Variants in IMMP2L observed in about 807,000 individuals in gnomAD.
IMMP2L encodes the protein mitochondrial inner membrane protease subunit 2.
Under a neutral mutation model 19.3 loss-of-function variants are expected in IMMP2L, and 18 were observed. The observed-to-expected ratio is 0.93, with a 90% CI of 0.64 to 1.38. The LOEUF (loss-of-function observed/expected upper bound fraction) is 1.38. Ranked by LOEUF, IMMP2L falls within the 40% of genes most tolerant of loss-of-function variation. The pLI, the probability that IMMP2L is intolerant of heterozygous loss-of-function variation, is 0.00. For synonymous variants in IMMP2L, 76 were observed against 73.0 expected (o/e 1.04, Z -0.21); for missense variants, 233 against 218.2 (o/e 1.07, Z -0.43).
chr7:111,464,150 A>G (rs2132034734), intron 3 of IMMP2L, among the ~76,000 whole-genome samples: 1 of 152,214 alleles, frequency 6.6e-6, no homozygotes, highest in South Asian at 2.1e-4. Flanking sequence ...ACCTCTCTGT[A>G]CACTAATAAA....
intron 3 of IMMP2L, among the ~76,000 whole-genome samples, chr7:111,067,215 T>C (rs1563208899): frequency 6.6e-6 from 1 of 152,196 alleles, no homozygotes. Context: ...AATTATCAAA[T>C]TGGAATATAG....
chr7:111,471,619 G>A (rs1171278303), intron 3 of IMMP2L, among the ~76,000 whole-genome samples: 2 of 151,814 alleles, frequency 1.3e-5, no homozygotes, highest in South Asian at 4.2e-4. Flanking sequence ...AGATCTATTG[G>A]GTTAGAAAAT....
At chr7:111,459,341 A>G (rs1199097074) in intron 3 of IMMP2L, among the ~76,000 whole-genome samples, 1 of 152,174 alleles carries the variant, frequency 6.6e-6, no homozygotes. Flanking sequence ...TTCCAAAACA[A>G]TATTATCACA....
At chr7:110,949,512 C>T (rs1817577520) in intron 4 of IMMP2L, among the ~76,000 whole-genome samples, 1 of 152,172 alleles carries the variant, frequency 6.6e-6, no homozygotes, top group African/African-American at 2.4e-5. Flanking sequence ...TAATATAGCC[C>T]ACAGGTCAGC....
intron 3 of IMMP2L, among the ~76,000 whole-genome samples, chr7:111,119,741 A>G (rs903067203): frequency 6.6e-6 from 1 of 152,208 alleles, no homozygotes; most frequent in Admixed American, 6.5e-5. Flanking sequence ...AGCACATACT[A>G]CATTATAATG....
At chr7:110,729,207 A>G (rs551467868) in intron 5 of IMMP2L, among the ~76,000 whole-genome samples, 22 of 152,250 alleles carry the variant, frequency 1.4e-4, no homozygotes, top group African/African-American at 5.1e-4. Flanking sequence ...TTACACTGCC[A>G]TAAAGATACT....
At chr7:110,998,783 C>T (rs1396087854) in intron 3 of IMMP2L, among the ~76,000 whole-genome samples, 5 of 152,094 alleles carry the variant, frequency 3.3e-5, no homozygotes, top group Non-Finnish European at 7.4e-5. Context: ...AAAACGGGCA[C>T]AGTGTAATTC....
chr7:111,145,823 A>G (rs1803407424), intron 3 of IMMP2L, among the ~76,000 whole-genome samples: 2 of 152,170 alleles, frequency 1.3e-5, no homozygotes, highest in South Asian at 2.1e-4. Context: ...GCAGTTAAAA[A>G]TAAATAAACA....
intron 3 of IMMP2L, among the ~76,000 whole-genome samples, chr7:111,250,461 A>G (rs1815970563): frequency 1.3e-5 from 2 of 152,208 alleles, no homozygotes; most frequent in African/African-American, 4.8e-5. Context: ...ATCCTAAGCA[A>G]AAAGAACAAA....
chr7:111,152,982 T>A (rs1804243830), intron 3 of IMMP2L, among the ~76,000 whole-genome samples: 1 of 152,200 alleles, frequency 6.6e-6, no homozygotes, highest in East Asian at 1.9e-4. Flanking sequence ...ATATTTTTGT[T>A]GATTTTTCTG....
intron 5 of IMMP2L, among the ~76,000 whole-genome samples, chr7:110,786,747 T>C (rs758929525): frequency 2.0e-5 from 3 of 152,024 alleles, no homozygotes; most frequent in Non-Finnish European, 4.4e-5. Flanking sequence ...AACTGAGACA[T>C]GATGTATTTA....
At position 110,678,411 on chromosome 7, in the gene IMMP2L, T is replaced by C. The variant is rs114771143; in HGVS notation, c.409-14690A>G. Reference sequence around the variant, plus strand: ...TCTGAATTGTGTACTATAAGTTTCCTAGTTTCAGATGTGATATTAACATCT... The same window carrying C: ...TCTGAATTGTGTACTATAAGTTTCCCAGTTTCAGATGTGATATTAACATCT... On this transcript the variant is annotated intron_variant, in intron 5 of 5. Coordinates refer to ENST00000405709, the MANE Select transcript of IMMP2L (RefSeq NM_032549.4). Among the ~76,000 whole-genome samples, 454 of 152,252 alleles carry C rather than the reference T, an allele frequency of 3.0e-3. 1 individual carries two copies. Among genetic ancestry groups the C allele is most frequent in the African/African-American group, 0.01 (432 of 41,554 alleles).
chr7:111,447,964 C>G (rs1838688255), intron 3 of IMMP2L, among the ~76,000 whole-genome samples: 1 of 141,510 alleles, frequency 7.1e-6, no homozygotes, highest in African/African-American at 2.7e-5. Flanking sequence ...ACAAAGAAGG[C>G]CATTACATAA....
At chr7:111,180,424 C>T (rs1479922570) in intron 3 of IMMP2L, among the ~76,000 whole-genome samples, 2 of 152,008 alleles carry the variant, frequency 1.3e-5, no homozygotes, top group Non-Finnish European at 2.9e-5. Flanking sequence ...CAGAACCACA[C>T]ATTTGTCAAT....
chr7:111,440,215 G>A lies in IMMP2L; in HGVS notation c.239+47023C>T, dbSNP rs910795592. Among the ~76,000 whole-genome samples, 9 of 151,800 alleles carry A rather than the reference G, an allele frequency of 5.9e-5. 1 individual carries two copies. The highest frequency in any genetic ancestry group is 1.9e-4 in the African/African-American group (8 of 41,156). Reference sequence around the variant, plus strand: ...CATGAATCACAAATCCCATGAATCAGTTCTTAATGGCATCTAGAATGGTGA... The same window carrying A: ...CATGAATCACAAATCCCATGAATCAATTCTTAATGGCATCTAGAATGGTGA... On this transcript the variant is annotated intron_variant, in intron 3 of 5. Transcript: ENST00000405709.
At chr7:111,016,430 A>G (rs986711707) in intron 3 of IMMP2L, among the ~76,000 whole-genome samples, 2 of 137,196 alleles carry the variant, frequency 1.5e-5, no homozygotes, top group Non-Finnish European at 3.1e-5. Flanking sequence ...ATTTTACATT[A>G]TATTTCAGAT....
In IMMP2L at chr7:110,823,068, T is replaced by A. The variant is rs189358904; in HGVS notation, c.408+63525A>T. 8.8e-4 allele frequency among the ~76,000 whole-genome samples: 134 copies of A among 152,236 alleles called. 1 individual carries two copies. Among genetic ancestry groups the A allele is most frequent in the African/African-American group, 3.0e-3 (124 of 41,566 alleles). On this transcript the variant is annotated intron_variant, in intron 5 of 5. Transcript: ENST00000405709. ...AATGGAAATGCCAGTTTTATGAACA[T>A]GACTGATGGAGAAATAAGATTTGAA...
chr7:111,083,313 C>T (rs182632048), intron 3 of IMMP2L, among the ~76,000 whole-genome samples: 9 of 152,170 alleles, frequency 5.9e-5, no homozygotes, highest in Admixed American at 4.6e-4. Context: ...ATAATGTTTG[C>T]CTTTGAGGAA....
chr7:111,361,417 T>TAATTC (rs1462835297), intron 3 of IMMP2L, among the ~76,000 whole-genome samples: 3 of 152,168 alleles, frequency 2.0e-5, no homozygotes. Context: ...ATACACTTAC[T>TAATTC]AATTCAATTA....
Sources: gnomAD v4.1 joint callset for allele counts (sites outside exome capture counted in the v4.1 genomes callset) on GRCh38, gnomAD v4.1.1 for gene constraint, MANE v1.5 for transcripts, NCBI Gene and HGNC (gene_info 2026-07-23, HGNC 2026-07-21) for gene names.